The following FSTL5 variants were observed in gnomAD, a reference collection of about 807,000 sequenced individuals.
FSTL5 encodes follistatin-related protein 5.
In FSTL5, 62 loss-of-function variants were observed where a neutral mutation model predicts 89.1. The observed-to-expected ratio is 0.70, with a 90% CI of 0.57 to 0.86. FSTL5 has a LOEUF of 0.86. Among genes scored for constraint, FSTL5 ranks in the 40% least tolerant of loss-of-function variants. The pLI, the probability that FSTL5 is intolerant of heterozygous loss-of-function variation, is 0.00. For synonymous variants in FSTL5, 383 were observed against 346.2 expected, an observed-to-expected ratio of 1.11 and a Z score of -1.18; for missense variants, 1,057 against 1,001.6, an observed-to-expected ratio of 1.06 and a Z score of -0.75.
At chr4:161,947,758 A>G (rs1235437003) in intron 3 of FSTL5, among the ~76,000 whole-genome samples, 1 of 152,106 alleles carries the variant, frequency 6.6e-6, no homozygotes, top group South Asian at 2.1e-4. Flanking sequence ...GCTCTACCAA[A>G]AAAAGTCTTC....
At chr4:161,688,241 C>T (rs969337186) in intron 6 of FSTL5, among the ~76,000 whole-genome samples, 2 of 152,110 alleles carry the variant, frequency 1.3e-5, no homozygotes, top group East Asian at 1.9e-4. Context: ...CGCCTCCACA[C>T]CCAGCTAATA....
intron 3 of FSTL5, among the ~76,000 whole-genome samples, chr4:162,023,061 T>C (rs918639668): frequency 2.6e-5 from 4 of 152,126 alleles, no homozygotes; most frequent in African/African-American, 4.8e-5. Flanking sequence ...AAACTACACG[T>C]GTATCCCCAT....
At chr4:161,677,921 T>C (rs559570107) in intron 6 of FSTL5, among the ~76,000 whole-genome samples, 1 of 151,926 alleles carries the variant, frequency 6.6e-6, no homozygotes, top group South Asian at 2.1e-4. Context: ...CCACAATGTA[T>C]ACATAGTCTA....
intron 2 of FSTL5, among the ~76,000 whole-genome samples, chr4:162,055,895 T>C (rs143533368): frequency 0.018 from 2,722 of 151,932 alleles, 95 homozygotes; most frequent in African/African-American, 0.062. Flanking sequence ...TATATATTCA[T>C]GTAGATAAAA....
At chr4:161,838,665 C>T (rs1731123201) in intron 4 of FSTL5, among the ~76,000 whole-genome samples, 1 of 152,048 alleles carries the variant, frequency 6.6e-6, no homozygotes, top group African/African-American at 2.4e-5. Flanking sequence ...TATGATCCTT[C>T]TTTGAAACTA....
chr4:161,563,886 A>G (rs529035715), intron 8 of FSTL5, among the ~76,000 whole-genome samples: 39 of 152,130 alleles, frequency 2.6e-4, no homozygotes, highest in Non-Finnish European at 3.7e-4. Context: ...GTAGCGCCTT[A>G]CTACATGTAA....
chr4:161,909,453 T>C (rs1240513761), intron 4 of FSTL5, among the ~76,000 whole-genome samples: 1 of 152,134 alleles, frequency 6.6e-6, no homozygotes, highest in Admixed American at 6.6e-5. Flanking sequence ...CTATTGTCAC[T>C]TTAAATTTGT....
chr4:161,967,079 CAA>C (rs11385218), intron 3 of FSTL5, among the ~76,000 whole-genome samples: 2 of 125,458 alleles, frequency 1.6e-5, no homozygotes. Flanking sequence ...TTCTGTTTCA[CAA>C]AAAAAAAAAA....
At chr4:162,076,363 T>C (rs1437764382) in intron 2 of FSTL5, among the ~76,000 whole-genome samples, 2 of 151,928 alleles carry the variant, frequency 1.3e-5, no homozygotes, top group East Asian at 3.9e-4. Flanking sequence ...AACGCACAGT[T>C]GTGGAAGATA....
intron 13 of FSTL5, among the ~76,000 whole-genome samples, chr4:161,478,799 G>A (rs1236633907): frequency 6.6e-6 from 1 of 151,834 alleles, no homozygotes; most frequent in South Asian, 2.1e-4. Context: ...AAGCAAGTAG[G>A]TAACTACAAA....
chr4:162,108,349 T>C (rs1731305374), intron 2 of FSTL5, among the ~76,000 whole-genome samples: 1 of 152,114 alleles, frequency 6.6e-6, no homozygotes, highest in Non-Finnish European at 1.5e-5. Context: ...TCTCATATTT[T>C]CCTTTTTGAT....
At chr4:161,886,084 T>C (rs1732798128) in intron 4 of FSTL5, among the ~76,000 whole-genome samples, 1 of 152,114 alleles carries the variant, frequency 6.6e-6, no homozygotes, top group South Asian at 2.1e-4. Flanking sequence ...AGCCAGACAC[T>C]ACTGAAGCAA....
At chr4:161,551,123 G>C (rs534111893) in intron 8 of FSTL5, among the ~76,000 whole-genome samples, 1 of 151,806 alleles carries the variant, frequency 6.6e-6, no homozygotes, top group South Asian at 2.1e-4. Flanking sequence ...TGGGTCAAAT[G>C]GTATTTCTAG....
chr4:161,907,064 C>T (rs984671822), intron 4 of FSTL5, among the ~76,000 whole-genome samples: 2 of 152,008 alleles, frequency 1.3e-5, no homozygotes, highest in African/African-American at 4.8e-5. Context: ...TTGTTAAAAT[C>T]TTTAAAGGCC....
intron 10 of FSTL5, among the ~76,000 whole-genome samples, chr4:161,523,808 G>A (rs1438471677): frequency 6.6e-6 from 1 of 152,070 alleles, no homozygotes; most frequent in Non-Finnish European, 1.5e-5. Flanking sequence ...ATACTCAAAT[G>A]CCTACTATAT....
intron 15 of FSTL5, among the ~76,000 whole-genome samples, chr4:161,427,982 G>T (rs995035787): frequency 2.0e-5 from 3 of 152,034 alleles, no homozygotes; most frequent in Non-Finnish European, 4.4e-5. Context: ...CACTGAAGAG[G>T]ATAGAAAAGA....
intron 7 of FSTL5, among the ~76,000 whole-genome samples, chr4:161,639,549 G>T (rs1735869829): frequency 1.3e-5 from 2 of 152,162 alleles, no homozygotes; most frequent in African/African-American, 4.8e-5. Context: ...AGATGGTGGA[G>T]TACAAAGCAC....
chr4:161,610,405 A>G (rs1232887296), intron 7 of FSTL5, among the ~76,000 whole-genome samples: 1 of 152,174 alleles, frequency 6.6e-6, no homozygotes, highest in South Asian at 2.1e-4. Context: ...AATCAATTAT[A>G]TCGCTTTTTC....
chr4:161,724,206 T>C (rs1479706024), intron 6 of FSTL5, among the ~76,000 whole-genome samples: 1 of 151,920 alleles, frequency 6.6e-6, no homozygotes, highest in African/African-American at 2.4e-5. Flanking sequence ...TAAAAGAAAA[T>C]GCAAATGAAG....
Sources: gnomAD v4.1 joint callset for allele counts (sites outside exome capture counted in the v4.1 genomes callset) on GRCh38, gnomAD v4.1.1 for gene constraint, MANE v1.5 for transcripts, NCBI Gene and HGNC (gene_info 2026-07-23, HGNC 2026-07-21) for gene names.